The following TAOK3 variants were observed in gnomAD, a reference collection of about 807,000 sequenced individuals.
The protein encoded by TAOK3 is serine/threonine-protein kinase TAO3.
A neutral mutation model predicts 120.4 loss-of-function variants in TAOK3; 40 were observed. The ratio of observed to expected loss-of-function variants is 0.33; its 90% CI spans 0.26 to 0.43. The LOEUF is 0.43. TAOK3 is among the 20% of genes least tolerant of loss of function. The pLI, the probability that TAOK3 is intolerant of heterozygous loss-of-function variation, is 1.00. For missense variants in TAOK3, 821 were observed against 1,112.1 expected, an observed-to-expected ratio of 0.74 and a Z score of 3.72; for synonymous variants, 355 against 387.5, an observed-to-expected ratio of 0.92 and a Z score of 0.99.
In TAOK3 at chr12:118,298,773, A is replaced by G. The variant is rs1430584238; in HGVS notation, c.-193-32014T>C. 2.6e-5 allele frequency among the ~76,000 whole-genome samples: 4 copies of G among 152,212 alleles called. No homozygotes were observed. The East Asian group carries it at 7.7e-4, about 29-fold the overall frequency. On this transcript the variant is annotated intron_variant, in intron 1 of 20. Transcript: ENST00000392533. Reference sequence around the variant, plus strand: ...AACATATTAAATATTCCATATAGATATTTGACTTTTTCATTTACATTTCCA... The same window carrying G: ...AACATATTAAATATTCCATATAGATGTTTGACTTTTTCATTTACATTTCCA...
intron 1 of TAOK3, among the ~76,000 whole-genome samples, chr12:118,320,124 T>C (rs1489595402): frequency 1.3e-5 from 2 of 152,152 alleles, no homozygotes; most frequent in African/African-American, 2.4e-5. Context: ...ATTCCACTTG[T>C]ATGAAATATT....
chr12:118,173,681 A>AT lies in TAOK3; in HGVS notation c.1696-1022dup, dbSNP rs559992152. 4.1e-3 allele frequency among the ~76,000 whole-genome samples: 623 copies of AT among 152,346 alleles called. 2 individuals carry two copies. Among genetic ancestry groups the AT allele is most frequent in the Middle Eastern group, 6.8e-3 (2 of 294 alleles). ...ATATTTTCCAAGGACAAAATTCACAATTTTTCCAGAACATCTGAGCAAAGG... is the reference window on the plus strand; with the variant it reads ...ATATTTTCCAAGGACAAAATTCACAATTTTTTCCAGAACATCTGAGCAAAGG... On this transcript the variant is annotated intron_variant, in intron 16 of 20. Transcript: ENST00000392533.
At chr12:118,220,798 A>G (rs2039192095) in intron 9 of TAOK3, among the ~76,000 whole-genome samples, 2 of 152,116 alleles carry the variant, frequency 1.3e-5, no homozygotes, top group South Asian at 4.1e-4. Context: ...AGAAGAAATA[A>G]TTTTAATAGA....
chr12:118,168,503 A>C (rs760825777), intron 17 of TAOK3, among the ~76,000 whole-genome samples: 2 of 152,204 alleles, frequency 1.3e-5, no homozygotes, highest in African/African-American at 2.4e-5. Flanking sequence ...TATCTCAATA[A>C]AACTGTTAAA....
At chr12:118,288,489 A>C (rs1303392766) in intron 1 of TAOK3, among the ~76,000 whole-genome samples, 1 of 152,190 alleles carries the variant, frequency 6.6e-6, no homozygotes, top group African/African-American at 2.4e-5. Context: ...CCACACCAGA[A>C]GCTGAATTGG....
intron 1 of TAOK3, among the ~76,000 whole-genome samples, chr12:118,318,364 G>A (rs537719253): frequency 1.7e-3 from 254 of 152,118 alleles, no homozygotes; most frequent in Middle Eastern, 6.8e-3. Flanking sequence ...CACCATGTTG[G>A]CCAGGATGGT....
intron 1 of TAOK3, among the ~76,000 whole-genome samples, chr12:118,367,883 A>G (rs1182873961): frequency 2.6e-5 from 4 of 152,164 alleles, no homozygotes; most frequent in Non-Finnish European, 5.9e-5. Flanking sequence ...AAGTACCAAC[A>G]GTTTTCATCT....
At chr12:118,232,147 G>T (rs1366311858) in intron 9 of TAOK3, among the ~76,000 whole-genome samples, 1 of 152,112 alleles carries the variant, frequency 6.6e-6, no homozygotes, top group African/African-American at 2.4e-5. Context: ...ATGGAAATTG[G>T]CAAAGCTACA....
intron 19 of TAOK3, among the ~76,000 whole-genome samples, chr12:118,155,122 A>C (rs1451416253): frequency 6.6e-6 from 1 of 151,988 alleles, no homozygotes; most frequent in Non-Finnish European, 1.5e-5. Flanking sequence ...CAGCCTCCTG[A>C]GTAGCTGGGA....
In TAOK3 at chr12:118,174,829, A is replaced by G. The variant is rs536416075; in HGVS notation, c.1696-2169T>C. Among the ~76,000 whole-genome samples the G allele has an allele frequency of 2.0e-5, 3 of 152,120 alleles. No individual in the cohort carries two copies. The South Asian group carries it at 6.2e-4, about 32-fold the overall frequency. ...CAGGCGCCCGCCATCAAGCTCAGCTAATTTTGTATTTTTATAGAGATGTCG... is the reference window on the plus strand; with the variant it reads ...CAGGCGCCCGCCATCAAGCTCAGCTGATTTTGTATTTTTATAGAGATGTCG... On this transcript the variant is annotated intron_variant, in intron 16 of 20. Transcript: ENST00000392533.
intron 15 of TAOK3, among the ~76,000 whole-genome samples, chr12:118,177,955 A>AT (rs1234961264): frequency 7.3e-4 from 111 of 151,564 alleles, no homozygotes; most frequent in African/African-American, 2.4e-3. Context: ...TAAGAATAAC[A>AT]TTTTTTTTTG....
rs543666758 is a variant in TAOK3, at chr12:118,346,040, TA to T, written c.-194+26607del. On this transcript the variant is annotated intron_variant, in intron 1 of 20. Coordinates refer to ENST00000392533, the MANE Select transcript of TAOK3 (RefSeq NM_016281.4). ...TTACTATTCCTAAAAATACTTTACC[TA>T]AAAAAAATTCTGAAAGGCTGTCAAA... Among the ~76,000 whole-genome samples the T allele has an allele frequency of 4.8e-4, 73 of 152,112 alleles. No homozygotes were observed. The East Asian group carries it at 0.013, about 28-fold the overall frequency.
chr12:118,305,846 T>C (rs1441996972), intron 1 of TAOK3, among the ~76,000 whole-genome samples: 1 of 143,194 alleles, frequency 7.0e-6, no homozygotes, highest in Non-Finnish European at 1.5e-5. Flanking sequence ...AGAGTTTGCA[T>C]GAGCTGAGAT....
At chr12:118,321,509 C>T (rs904639592) in intron 1 of TAOK3, among the ~76,000 whole-genome samples, 8 of 152,160 alleles carry the variant, frequency 5.3e-5, no homozygotes, top group Non-Finnish European at 1.0e-4. Flanking sequence ...ATCCTCCTAC[C>T]TCGGTTTCCC....
intron 1 of TAOK3, among the ~76,000 whole-genome samples, chr12:118,288,186 A>G (rs1006659950): frequency 6.6e-6 from 1 of 152,022 alleles, no homozygotes; most frequent in Non-Finnish European, 1.5e-5. Flanking sequence ...CAAAAACTTC[A>G]AAATTATAAT....
intron 9 of TAOK3, among the ~76,000 whole-genome samples, chr12:118,224,866 G>A (rs2039424777): frequency 1.3e-5 from 2 of 152,214 alleles, no homozygotes; most frequent in Admixed American, 1.3e-4. Context: ...CATAAAGAAA[G>A]GGGATAACAA....
At chr12:118,315,194 G>A (rs1036429399) in intron 1 of TAOK3, among the ~76,000 whole-genome samples, 1 of 152,046 alleles carries the variant, frequency 6.6e-6, no homozygotes, top group Non-Finnish European at 1.5e-5. Context: ...CAAAGTGCTG[G>A]GATTACAGGC....
chr12:118,239,370 GAATA>G, intron 5 of TAOK3, 98 bp from the exon 6 acceptor site: 4 of 673,616 alleles, frequency 5.9e-6, no homozygotes, highest in Admixed American at 5.8e-5. Flanking sequence ...AATACTAGGT[GAATA>G]AATATTCTGA....
At chr12:118,267,522 T>C (rs969246769) in intron 1 of TAOK3, among the ~76,000 whole-genome samples, 2 of 150,616 alleles carry the variant, frequency 1.3e-5, no homozygotes, top group Non-Finnish European at 1.5e-5. Context: ...GCTGGAGTGA[T>C]GATTATTTTT....
Sources: gnomAD v4.1 joint callset for allele counts (sites outside exome capture counted in the v4.1 genomes callset) on GRCh38, gnomAD v4.1.1 for gene constraint, MANE v1.5 for transcripts, NCBI Gene and HGNC (gene_info 2026-07-23, HGNC 2026-07-21) for gene names.